Variants in ASIC2 observed in about 807,000 individuals in gnomAD.
ASIC2 encodes acid-sensing ion channel 2.
ASIC2 carries 25 observed loss-of-function variants against 57.3 expected under a neutral mutation model. The observed-to-expected ratio is 0.44, with a 90% confidence interval of 0.32 to 0.61. The LOEUF (loss-of-function observed/expected upper bound fraction) is 0.61, where lower values mean the gene tolerates loss of function less well. ASIC2 is among the 20% of genes least tolerant of loss of function. The pLI is 0.06. For missense variants in ASIC2, 641 were observed against 738.1 expected (o/e 0.87, Z 1.52); for synonymous variants, 319 against 307.5 (o/e 1.04, Z -0.39).
At chr17:34,128,497 G>A (rs983112249) in intron 1 of ASIC2, among the ~76,000 whole-genome samples, 4 of 152,066 alleles carry the variant, frequency 2.6e-5, no homozygotes, top group Non-Finnish European at 5.9e-5. Flanking sequence ...GAGGAGGAGG[G>A]GCCTGTTTAT....
intron 1 of ASIC2, among the ~76,000 whole-genome samples, chr17:33,609,513 A>AGCAT (rs1290600027): frequency 2.6e-5 from 4 of 152,162 alleles, no homozygotes; most frequent in Non-Finnish European, 5.9e-5. Flanking sequence ...TCATCCTTCA[A>AGCAT]GCATCAGGTT....
intron 1 of ASIC2, among the ~76,000 whole-genome samples, chr17:33,130,936 T>G (rs1447826182): frequency 6.6e-6 from 1 of 152,218 alleles, no homozygotes; most frequent in Non-Finnish European, 1.5e-5. Context: ...CAGATCCACA[T>G]GCCACTGCTT....
chr17:33,581,332 C>T (rs2141999851), intron 1 of ASIC2: 1 of 152,326 alleles, frequency 6.6e-6, no homozygotes, highest in South Asian at 2.1e-4. Flanking sequence ...AATCTGCCAA[C>T]ACCCTGAGTG....
In ASIC2 at chr17:33,071,068, T is replaced by A. The variant is rs149788446; in HGVS notation, c.987+17795A>T. ...TATAACTGGCTTTGAGCAATTTCGG[T>A]ATGACTTTGCTGTAGTTTTCTTCAT... On this transcript the variant is annotated intron_variant, in intron 3 of 9. Transcript: ENST00000225823. 4.8e-3 allele frequency among the ~76,000 whole-genome samples: 727 copies of A among 152,268 alleles called. 5 individuals carry two copies. The highest frequency in any genetic ancestry group is 0.016 in the African/African-American group (674 of 41,578).
At chr17:33,837,000 T>C (rs552943709) in intron 1 of ASIC2, among the ~76,000 whole-genome samples, 31 of 152,344 alleles carry the variant, frequency 2.0e-4, no homozygotes, top group African/African-American at 6.0e-4. Context: ...CCAAAATAAG[T>C]GCTAACTGAT....
chr17:33,610,054 GCACA>G (rs57533251), intron 1 of ASIC2, among the ~76,000 whole-genome samples: 1,820 of 144,806 alleles, frequency 0.013, 22 homozygotes, highest in South Asian at 0.024. Context: ...GGACAGAGGC[GCACA>G]CACACACACA....
chr17:33,338,349 G>A (rs1316390472), intron 1 of ASIC2, among the ~76,000 whole-genome samples: 1 of 152,202 alleles, frequency 6.6e-6, no homozygotes, highest in Non-Finnish European at 1.5e-5. Flanking sequence ...GTAAGACAGG[G>A]GAGACAGTAG....
chr17:33,221,788 T>G (rs1206814658), intron 1 of ASIC2, among the ~76,000 whole-genome samples: 2 of 152,222 alleles, frequency 1.3e-5, no homozygotes, highest in Admixed American at 1.3e-4. Flanking sequence ...TTAAAGGTAA[T>G]TATTTAGAAT....
chr17:33,711,248 A>G (rs1909025158), intron 1 of ASIC2, among the ~76,000 whole-genome samples: 1 of 152,176 alleles, frequency 6.6e-6, no homozygotes, highest in Non-Finnish European at 1.5e-5. Flanking sequence ...TGGCAAAGCA[A>G]GGTGTTCCAA....
chr17:34,086,181 T>C (rs955362425), intron 1 of ASIC2, among the ~76,000 whole-genome samples: 2 of 149,022 alleles, frequency 1.3e-5, no homozygotes, highest in Non-Finnish European at 3.0e-5. Flanking sequence ...CATTTAGTGC[T>C]ATAAATTTCC....
intron 1 of ASIC2, among the ~76,000 whole-genome samples, chr17:33,817,489 TA>T (rs1912619577): frequency 6.6e-6 from 1 of 152,138 alleles, no homozygotes; most frequent in Admixed American, 6.5e-5. Context: ...TTGCTTCCTA[TA>T]AAGACACTGT....
At chr17:33,685,159 G>A (rs1908143079) in intron 1 of ASIC2, among the ~76,000 whole-genome samples, 1 of 152,174 alleles carries the variant, frequency 6.6e-6, no homozygotes, top group Non-Finnish European at 1.5e-5. Flanking sequence ...ACACACGGAT[G>A]GAGGTCAGAT....
At chr17:33,708,462 T>A (rs1411142628) in intron 1 of ASIC2, among the ~76,000 whole-genome samples, 1 of 152,208 alleles carries the variant, frequency 6.6e-6, no homozygotes, top group Non-Finnish European at 1.5e-5. Flanking sequence ...TTTAGTGGGA[T>A]CTTGGAGCAG....
intron 1 of ASIC2, among the ~76,000 whole-genome samples, chr17:33,477,633 C>T (rs930767886): frequency 2.0e-5 from 3 of 152,180 alleles, no homozygotes; most frequent in Non-Finnish European, 4.4e-5. Context: ...TACCATGTCC[C>T]TACTGCCTCC....
intron 1 of ASIC2, among the ~76,000 whole-genome samples, chr17:33,958,995 C>G (rs1264001862): frequency 2.0e-5 from 3 of 152,184 alleles, no homozygotes; most frequent in Non-Finnish European, 4.4e-5. Context: ...TGCCACCAGT[C>G]TCTTTGCAAA....
intron 1 of ASIC2, among the ~76,000 whole-genome samples, chr17:33,500,456 G>C (rs980767697): frequency 6.6e-6 from 1 of 152,202 alleles, no homozygotes; most frequent in African/African-American, 2.4e-5. Context: ...CTGAGGCCTG[G>C]GACAGGCCTA....
intron 1 of ASIC2, among the ~76,000 whole-genome samples, chr17:33,775,719 T>C (rs1911250157): frequency 6.6e-6 from 1 of 152,148 alleles, no homozygotes. Context: ...GTCTGTATGA[T>C]GCTGCAATTC....
intron 1 of ASIC2, among the ~76,000 whole-genome samples, chr17:33,661,195 C>T (rs1907252041): frequency 6.6e-6 from 1 of 152,198 alleles, no homozygotes; most frequent in African/African-American, 2.4e-5. Flanking sequence ...TTAGCACCAG[C>T]CTCCAAGAGC....
At chr17:33,971,297 A>T (rs966133510) in intron 1 of ASIC2, among the ~76,000 whole-genome samples, 3 of 152,154 alleles carry the variant, frequency 2.0e-5, no homozygotes, top group African/African-American at 7.2e-5. Flanking sequence ...AACACCAAGC[A>T]GAAGCAGAGA....
Sources: gnomAD v4.1 joint callset for allele counts (sites outside exome capture counted in the v4.1 genomes callset) on GRCh38, gnomAD v4.1.1 for gene constraint, MANE v1.5 for transcripts, NCBI Gene and HGNC (gene_info 2026-07-23, HGNC 2026-07-21) for gene names.